COP1: variants seen among roughly 807,000 people sequenced by gnomAD.
The protein encoded by COP1 is E3 ubiquitin-protein ligase COP1.
A neutral mutation model predicts 101.3 loss-of-function variants in COP1; 24 were observed. The ratio of observed to expected loss-of-function variants is 0.24; its 90% confidence interval spans 0.17 to 0.33. COP1 has a LOEUF of 0.33. Ranked by LOEUF, COP1 falls within the 10% of genes least tolerant of loss-of-function variation. The pLI, the probability that COP1 is intolerant of heterozygous loss-of-function variation, is 1.00. For synonymous variants in COP1, 347 were observed against 341.9 expected, an observed-to-expected ratio of 1.01 and a Z score of -0.17; for missense variants, 663 against 906.2, an observed-to-expected ratio of 0.73 and a Z score of 3.45.
chr1:176,207,256 G>T lies in COP1; in HGVS notation c.-278C>A, dbSNP rs1700963450. 7.7e-6 allele frequency: 3 copies of T among 391,982 alleles called. No individual in the cohort carries two copies. Among genetic ancestry groups the T allele is most frequent in the Non-Finnish European group, 1.4e-5 (3 of 221,922 alleles). The allele number at this position is 391,982 out of a possible 1,614,324, so 24.3% of individuals were successfully genotyped here. A position where few individuals can be genotyped will look rare whatever the true frequency, so the allele number is the denominator to read the frequency against. ...TCCCTGTAGCAGCCAACCCCGGCGC[G>T]CCGTGGCCGGCCGTGCGCGCGCGCG... On this transcript the variant is annotated 5_prime_UTR_variant, in exon 1 of 20. Transcript: ENST00000367669.
intron 6 of COP1, among the ~76,000 whole-genome samples, chr1:176,143,260 T>C (rs192524850): frequency 5.3e-4 from 81 of 151,908 alleles, no homozygotes; most frequent in Admixed American, 1.7e-3. Context: ...AATTTGAAAA[T>C]TGAGATGACA....
intron 1 of COP1, among the ~76,000 whole-genome samples, chr1:176,187,402 C>CGT (rs35205766): frequency 0.016 from 2,374 of 149,220 alleles, 41 homozygotes; most frequent in African/African-American, 0.042. Context: ...TATAAATATA[C>CGT]GTGTGTGTGT....
In COP1 at chr1:175,953,734, G is replaced by C. The variant is rs370866173; in HGVS notation, c.2134-6495C>G. 7.8e-3 allele frequency among the ~76,000 whole-genome samples: 1,170 copies of C among 149,640 alleles called. 7 individuals carry two copies. The highest frequency in any genetic ancestry group is 0.033 in the South Asian group (150 of 4,578). ...GAAATTTGACCAGCGATAAAGACAG[G>C]TATTTCATAATTAAATAAGGGTCAA... On this transcript the variant is annotated intron_variant, in intron 18 of 19. Coordinates refer to ENST00000367669, the MANE Select transcript of COP1 (RefSeq NM_022457.7).
intron 18 of COP1, among the ~76,000 whole-genome samples, chr1:175,974,712 T>C (rs1303598219): frequency 1.3e-5 from 2 of 152,080 alleles, no homozygotes; most frequent in East Asian, 1.9e-4. Context: ...TTTGATGCTA[T>C]GATCAGCAGT....
chr1:176,180,116 T>G (rs1697545262), intron 2 of COP1, among the ~76,000 whole-genome samples: 1 of 152,204 alleles, frequency 6.6e-6, no homozygotes, highest in Admixed American at 6.5e-5. Flanking sequence ...TTGTACTTAT[T>G]TCTGTATGTG....
chr1:175,972,040 C>T (rs562364529), intron 18 of COP1, among the ~76,000 whole-genome samples: 1 of 152,248 alleles, frequency 6.6e-6, no homozygotes, highest in East Asian at 1.9e-4. Context: ...TTGGATGTGA[C>T]AGAGATGGGA....
At chr1:176,188,834 T>TACAC (rs10637320) in intron 1 of COP1, among the ~76,000 whole-genome samples, 55,686 of 148,276 alleles carry the variant, frequency 0.38, 10,490 homozygotes, top group Admixed American at 0.43. Flanking sequence ...AACACATAGA[T>TACAC]ACACACACAC....
chr1:176,046,986 G>A (rs894282965), intron 11 of COP1, among the ~76,000 whole-genome samples: 6 of 151,966 alleles, frequency 3.9e-5, no homozygotes, highest in African/African-American at 9.7e-5. Context: ...TTCCTTCAGC[G>A]TTATTCACTC....
chr1:176,187,084 C>T (rs1317274909), intron 1 of COP1, among the ~76,000 whole-genome samples: 1 of 152,128 alleles, frequency 6.6e-6, no homozygotes, highest in Non-Finnish European at 1.5e-5. Context: ...AAGCCAATAG[C>T]TTTTAAGAAA....
intron 9 of COP1, among the ~76,000 whole-genome samples, chr1:176,093,004 C>T (rs1379733942): frequency 6.6e-6 from 1 of 152,100 alleles, no homozygotes; most frequent in Non-Finnish European, 1.5e-5. Flanking sequence ...TATTATACGT[C>T]AGTGACAACT....
At chr1:175,960,095 G>C (rs1651152984) in intron 18 of COP1, among the ~76,000 whole-genome samples, 2 of 152,134 alleles carry the variant, frequency 1.3e-5, no homozygotes, top group Admixed American at 1.3e-4. Flanking sequence ...CAATTTTACA[G>C]AGTTTTCTAT....
At chr1:176,116,484 G>C (rs1432895821) in intron 9 of COP1, 140 bp downstream of exon 9, 3 of 603,160 alleles carry the variant, frequency 5.0e-6, no homozygotes, top group South Asian at 5.0e-5. Context: ...ATGCATAAGA[G>C]CTATTCAAGT....
At chr1:175,981,739 C>A (rs1354669735) in intron 18 of COP1, among the ~76,000 whole-genome samples, 3 of 151,994 alleles carry the variant, frequency 2.0e-5, no homozygotes, top group Non-Finnish European at 1.5e-5. Context: ...AAAATATTTG[C>A]AAACTATTTA....
intron 9 of COP1, among the ~76,000 whole-genome samples, chr1:176,114,174 G>A (rs949655537): frequency 5.1e-4 from 78 of 151,844 alleles, no homozygotes; most frequent in African/African-American, 1.8e-3. Flanking sequence ...AAGTTCCTAC[G>A]GTATATTTCA....
intron 18 of COP1, among the ~76,000 whole-genome samples, chr1:175,971,640 G>A (rs1471333838): frequency 6.6e-6 from 1 of 152,144 alleles, no homozygotes; most frequent in Admixed American, 6.5e-5. Flanking sequence ...CTCTTCCCAT[G>A]AGCTATTTCT....
rs147481794 is a variant in COP1, at chr1:176,105,463, C to G, written c.1026+11161G>C. ...AATTTCAAAGAAATATCTCTAGTTA[C>G]ATTGGTTTTCTCAGCAATTTTCATG... On this transcript the variant is annotated intron_variant, in intron 9 of 19. Coordinates refer to ENST00000367669, the MANE Select transcript of COP1 (RefSeq NM_022457.7). Among the ~76,000 whole-genome samples the G allele has an allele frequency of 2.6e-3, 400 of 152,216 alleles. 3 individuals are homozygous for G. The highest frequency in any genetic ancestry group is 9.2e-3 in the African/African-American group (382 of 41,546).
At chr1:176,163,121 T>TA in intron 4 of COP1, 133 bp from the exon 5 acceptor site, 1 of 804,666 alleles carries the variant, frequency 1.2e-6, no homozygotes. Context: ...TGTTCCAAAC[T>TA]ACCCCTTCCT....
intron 5 of COP1, among the ~76,000 whole-genome samples, chr1:176,152,887 A>T (rs1008782953): frequency 2.6e-5 from 4 of 152,208 alleles, no homozygotes; most frequent in African/African-American, 9.6e-5. Context: ...TATTTAGGTA[A>T]TAATTTTTCT....
chr1:176,142,484 T>C (rs1183193691), intron 6 of COP1, among the ~76,000 whole-genome samples: 2 of 152,088 alleles, frequency 1.3e-5, no homozygotes, highest in African/African-American at 4.8e-5. Context: ...ACCTAAAAGA[T>C]AATGAGACAG....
Sources: allele counts gnomAD v4.1 joint callset (sites outside exome capture counted in the v4.1 genomes callset), GRCh38; gene constraint gnomAD v4.1.1; transcripts MANE v1.5; gene names NCBI Gene and HGNC (gene_info 2026-07-23, HGNC 2026-07-21).